PCDHA6: variants seen among roughly 807,000 people sequenced by gnomAD.
The protein encoded by PCDHA6 is protocadherin alpha-6.
PCDHA6 carries 55 observed loss-of-function variants against 60.3 expected under a neutral mutation model. The observed-to-expected ratio is 0.91, with a 90% CI of 0.73 to 1.14. The LOEUF (loss-of-function observed/expected upper bound fraction) is 1.14, where lower values mean the gene tolerates loss of function less well. PCDHA6 is among the 50% of genes most tolerant of loss of function. PCDHA6 has a pLI of 0.00. For synonymous variants in PCDHA6, 652 were observed against 557.9 expected (o/e 1.17, Z -2.38); for missense variants, 1,327 against 1,256.5 (o/e 1.06, Z -0.85).
At chr5:140,984,464 C>T (rs890686701) in intron 3 of PCDHA6, among the ~76,000 whole-genome samples, 1 of 152,184 alleles carries the variant, frequency 6.6e-6, no homozygotes, top group Non-Finnish European at 1.5e-5. Context: ...GTCCCAGCCC[C>T]TCTTGTATAA....
At chr5:140,898,984 C>T (rs1237034997) in intron 1 of PCDHA6, among the ~76,000 whole-genome samples, 3 of 151,964 alleles carry the variant, frequency 2.0e-5, no homozygotes, top group Non-Finnish European at 4.4e-5. Flanking sequence ...TGATTTGGCT[C>T]TCTGTTTGTC....
chr5:140,849,539 A>G lies in PCDHA6; in HGVS notation c.2394+19054A>G, dbSNP rs2150439995. ...TTGTGGATGTAAATGACAATGCTCC[A>G]CAGTTGACTATCAAAACGCTCTCGG... On this transcript the variant is annotated intron_variant, in intron 1 of 3. Coordinates refer to ENST00000529310, the MANE Select transcript of PCDHA6 (RefSeq NM_018909.4). 1.9e-6 allele frequency: 3 copies of G among 1,598,028 alleles called. 1 individual carries two copies. The highest frequency in any genetic ancestry group is 1.7e-6 in the Non-Finnish European group (2 of 1,167,768).
intron 3 of PCDHA6, among the ~76,000 whole-genome samples, chr5:140,984,776 G>C (rs1310495858): frequency 6.6e-6 from 1 of 152,062 alleles, no homozygotes; most frequent in Non-Finnish European, 1.5e-5. Context: ...AAGCTTACTT[G>C]CTGGGTGAGC....
At chr5:140,862,318 A>C (rs2153223303) in intron 1 of PCDHA6, 1 of 317,904 alleles carries the variant, frequency 3.1e-6, no homozygotes, top group African/African-American at 2.2e-5. Context: ...TCATAGCCCT[A>C]ATCAGTGTAA....
intron 1 of PCDHA6, among the ~76,000 whole-genome samples, chr5:140,945,280 A>G (rs1482777954): frequency 6.6e-6 from 1 of 152,146 alleles, no homozygotes; most frequent in Non-Finnish European, 1.5e-5. Flanking sequence ...ACTTTAAAAC[A>G]TTGATGAAAG....
intron 1 of PCDHA6, among the ~76,000 whole-genome samples, chr5:140,893,393 C>T (rs1358613018): frequency 6.6e-6 from 1 of 152,144 alleles, no homozygotes; most frequent in Non-Finnish European, 1.5e-5. Context: ...TGGCTCATGC[C>T]TGTAATCCCA....
At chr5:140,901,181 G>A (rs2068491755) in intron 1 of PCDHA6, among the ~76,000 whole-genome samples, 1 of 152,010 alleles carries the variant, frequency 6.6e-6, no homozygotes, top group African/African-American at 2.4e-5. Flanking sequence ...TTTGTTGATT[G>A]TTTGCTTTTC....
At chr5:140,868,379 T>A (rs1554161939) in intron 1 of PCDHA6, 7 of 152,204 alleles carry the variant, frequency 4.6e-5, no homozygotes, top group African/African-American at 2.4e-5. Flanking sequence ...CAGTAAAGAA[T>A]GAGAACTATA....
At chr5:140,851,245 A>G (rs2042003165) in intron 1 of PCDHA6, 2 of 1,104,800 alleles carry the variant, frequency 1.8e-6, no homozygotes, top group Non-Finnish European at 2.3e-6. Flanking sequence ...TTGCTAAATG[A>G]TGCATAGTAT....
chr5:140,978,103 A>T (rs2096789005), intron 1 of PCDHA6, among the ~76,000 whole-genome samples: 1 of 152,106 alleles, frequency 6.6e-6, no homozygotes, highest in South Asian at 2.1e-4. Context: ...AACTCCCCCA[A>T]CAGTCTTTAA....
In PCDHA6 at chr5:140,967,001, A is replaced by T. The variant is rs1048933252; in HGVS notation, c.2395-11948A>T. The T allele has an allele frequency of 3.1e-6, 5 of 1,605,060 alleles. No homozygotes were observed. The South Asian group carries it at 5.5e-5, about 18-fold the overall frequency. The stretch of plus-strand genomic sequence containing the variant: ...GCGCTTGGGGCCGGGTTGCTTGCGC[A>T]TCAACCATCTGGGTGCGCCCAGTCC... On this transcript the variant is annotated intron_variant, in intron 1 of 3. Transcript: ENST00000529310.
intron 1 of PCDHA6, among the ~76,000 whole-genome samples, chr5:140,885,299 G>A (rs904206700): frequency 3.9e-5 from 6 of 152,042 alleles, no homozygotes; most frequent in African/African-American, 1.4e-4. Context: ...GAGAGACCTG[G>A]TAGGCTTTTT....
chr5:140,984,550 A>C (rs1486017679), intron 3 of PCDHA6, among the ~76,000 whole-genome samples: 1 of 152,134 alleles, frequency 6.6e-6, no homozygotes, highest in Non-Finnish European at 1.5e-5. Flanking sequence ...GATAGAGCTT[A>C]CATCTTCCAA....
intron 1 of PCDHA6, chr5:140,876,174 T>A: frequency 6.2e-7 from 1 of 1,613,934 alleles, no homozygotes; most frequent in Non-Finnish European, 8.5e-7. Context: ...CCGTCCTGGA[T>A]GTGAATGACA....
intron 1 of PCDHA6, among the ~76,000 whole-genome samples, chr5:140,939,247 T>C (rs1413301027): frequency 6.6e-6 from 1 of 152,246 alleles, no homozygotes; most frequent in South Asian, 2.1e-4. Context: ...GCAAGGTAGC[T>C]CTCTGGAACC....
At position 140,834,385 on chromosome 5, in the gene PCDHA6, T is replaced by G. The variant is rs200135571; in HGVS notation, c.2394+3900T>G. The G allele has an allele frequency of 5.7e-5, 89 of 1,568,318 alleles. No homozygotes were observed. In the African/African-American group the frequency reaches 1.1e-3, roughly 20 times the overall value. On this transcript the variant is annotated intron_variant, in intron 1 of 3. Transcript: ENST00000529310. ...AGAAAAACAAGCCAATAATTTGAAA[T>G]GGTGTGCCCGAATGGATACGACCCA...
chr5:140,978,036 C>T (rs1460377915), intron 1 of PCDHA6, among the ~76,000 whole-genome samples: 22 of 152,268 alleles, frequency 1.4e-4, no homozygotes, highest in Admixed American at 1.4e-3. Context: ...TGATACAAGA[C>T]AGTGATGGTG....
intron 1 of PCDHA6, chr5:140,854,273 T>C (rs1180521058): frequency 1.8e-6 from 1 of 562,180 alleles, no homozygotes; most frequent in Non-Finnish European, 2.3e-6. Flanking sequence ...TTAGTAGAAA[T>C]TGAGTTTAGT....
In PCDHA6 at chr5:140,904,790, G is replaced by T. The variant is rs139747501; in HGVS notation, c.2395-74159G>T. 2.6e-3 allele frequency among the ~76,000 whole-genome samples: 392 copies of T among 152,018 alleles called. 4 individuals carry two copies. In the East Asian group the frequency reaches 0.045, roughly 17 times the overall value. The stretch of plus-strand genomic sequence containing the variant: ...TGGTATCACATTATTGTTTTAATTT[G>T]CATTTTCCTGATAATTAGTGATGTT... On this transcript the variant is annotated intron_variant, in intron 1 of 3. Coordinates refer to ENST00000529310, the MANE Select transcript of PCDHA6 (RefSeq NM_018909.4).
Sources: allele counts gnomAD v4.1 joint callset (sites outside exome capture counted in the v4.1 genomes callset), GRCh38; gene constraint gnomAD v4.1.1; transcripts MANE v1.5; gene names NCBI Gene and HGNC (gene_info 2026-07-23, HGNC 2026-07-21).